MAX: variants seen among roughly 807,000 people sequenced by gnomAD.
MAX encodes the protein protein max.
In MAX, 3 loss-of-function variants were observed where a neutral mutation model predicts 22.3. That is an observed-to-expected ratio of 0.13 (90% CI 0.06 to 0.35). MAX has a LOEUF of 0.35. Among genes scored for constraint, MAX ranks in the 10% least tolerant of loss-of-function variants. The probability of loss-of-function intolerance (pLI) is 1.00; values close to 1 mark genes in which losing one functional copy is unlikely to be tolerated. For missense variants in MAX, 119 were observed against 209.4 expected (o/e 0.57, Z 2.66); for synonymous variants, 72 against 77.7 (o/e 0.93, Z 0.39).
At chr14:65,048,225 C>T (rs2062528492) in intron 3 of MAX, among the ~76,000 whole-genome samples, 2 of 151,580 alleles carry the variant, frequency 1.3e-5, no homozygotes, top group East Asian at 3.9e-4. Context: ...TCAAGTGATC[C>T]ACCTTCCTTG....
chr14:65,025,432 A>G (rs751321320), intron 3 of MAX, among the ~76,000 whole-genome samples: 20 of 152,216 alleles, frequency 1.3e-4, no homozygotes, highest in Non-Finnish European at 2.4e-4. Context: ...CTTATTAACT[A>G]TTTGTTTCTG....
chr14:65,018,785 GGA>G (rs2061827699), intron 3 of MAX, among the ~76,000 whole-genome samples: 1 of 148,454 alleles, frequency 6.7e-6, no homozygotes, highest in African/African-American at 2.5e-5. Flanking sequence ...ACTCCAGCCT[GGA>G]GGACAGAGTG....
chr14:65,043,937 T>C (rs1030622694), intron 3 of MAX, among the ~76,000 whole-genome samples: 1 of 151,550 alleles, frequency 6.6e-6, no homozygotes, highest in African/African-American at 2.4e-5. Context: ...AATGAGCTAC[T>C]GGTAGTCTTG....
rs1055671010 is a variant in MAX, at chr14:65,079,481, G to T, written c.172-1445C>A. The stretch of plus-strand genomic sequence containing the variant: ...TCTCCAGGCTACAAACATAGTCAGA[G>T]TTACTTATGGCCAGGCAGCCAGCCA... On this transcript the variant is annotated intron_variant, in intron 3 of 4. Coordinates refer to ENST00000358664, the MANE Select transcript of MAX (RefSeq NM_002382.5). This position sits in a 1 kb window ranked among gnomAD's most constrained non-coding sequence, Gnocchi z 4.5. Among the ~76,000 whole-genome samples the T allele has an allele frequency of 5.9e-5, 9 of 152,252 alleles. No individual in the cohort carries two copies. Among genetic ancestry groups the T allele is most frequent in the African/African-American group, 9.6e-5 (4 of 41,464 alleles).
intron 3 of MAX, among the ~76,000 whole-genome samples, chr14:65,049,196 T>A (rs928125042): frequency 1.3e-5 from 2 of 152,130 alleles, no homozygotes; most frequent in Admixed American, 1.3e-4. Context: ...GTTTTTTTGT[T>A]TTGTGGAGCA....
intron 3 of MAX, among the ~76,000 whole-genome samples, chr14:65,048,842 C>T (rs1437617116): frequency 6.6e-6 from 1 of 151,602 alleles, no homozygotes. Context: ...CAGAGCAAGA[C>T]TTTGTCTCAA....
intron 3 of MAX, chr14:65,053,394 A>T: frequency 1.2e-5 from 16 of 1,354,176 alleles, no homozygotes; most frequent in Non-Finnish European, 1.5e-5. Flanking sequence ...GGGAGGAGAG[A>T]GCAGAGGGGC....
intron 3 of MAX, among the ~76,000 whole-genome samples, chr14:65,058,981 T>G (rs1035490385): frequency 6.6e-6 from 1 of 152,198 alleles, no homozygotes; most frequent in Admixed American, 6.5e-5. Context: ...CATAGCCTCA[T>G]AAAATTAAAT....
At chr14:65,060,863 ACTCT>A (rs2062848035) in intron 3 of MAX, among the ~76,000 whole-genome samples, 1 of 107,414 alleles carries the variant, frequency 9.3e-6, no homozygotes. Context: ...ACAGAGCAAG[ACTCT>A]CTCAAAAAAA....
At position 65,076,551 on chromosome 14, in the gene MAX, C is replaced by T. The variant is rs764320975; in HGVS notation, c.408G>A (p.Gly136=). The change falls in exon 5 of 5, where the codon GGG becomes GGA. Residue 136 remains glycine, a synonymous_variant. Coordinates refer to ENST00000358664, the MANE Select transcript of MAX (RefSeq NM_002382.5). This position sits in a 1 kb window ranked among gnomAD's most constrained non-coding sequence, Gnocchi z 6.6. ...AKGSTISAFD[G]GSDSSSESEP... is the part of the protein sequence containing the mutation. ...CAGACTCCGAGCTGGAGTCCGAGCCCCCATCGAAGGCAGAGATGGTGCTGC... is the reference window on the plus strand; with the variant it reads ...CAGACTCCGAGCTGGAGTCCGAGCCTCCATCGAAGGCAGAGATGGTGCTGC... 5.0e-6 allele frequency: 8 copies of T among 1,614,070 alleles called. No individual in the cohort carries two copies. The highest frequency in any genetic ancestry group is 4.4e-5 in the South Asian group (4 of 91,070).
intron 3 of MAX, among the ~76,000 whole-genome samples, chr14:65,034,733 T>C (rs1366213616): frequency 1.3e-5 from 2 of 152,228 alleles, no homozygotes; most frequent in African/African-American, 4.8e-5. Flanking sequence ...GTGGTAAGTA[T>C]GGAATTATAA....
chr14:65,044,402 C>T lies in MAX; in HGVS notation c.172-38118G>A, dbSNP rs750508990. 15 of 1,612,900 alleles carry T rather than the reference C, an allele frequency of 9.3e-6. No individual in the cohort carries two copies. Among genetic ancestry groups the T allele is most frequent in the East Asian group, 4.5e-5 (2 of 44,778 alleles). On this transcript the variant is annotated intron_variant, in intron 3 of 3. Coordinates refer to the MAX transcript ENST00000341653. This position sits in a 1 kb window ranked among gnomAD's most constrained non-coding sequence, Gnocchi z 5.5. ...GATGGCTGCTACTCCTTCTGGCAGGCGGGGCTCCTGCCCCTGCTCCACCGC... is the reference window on the plus strand; with the variant it reads ...GATGGCTGCTACTCCTTCTGGCAGGTGGGGCTCCTGCCCCTGCTCCACCGC...
chr14:65,031,053 C>G lies in MAX; in HGVS notation c.172-24769G>C, dbSNP rs1249395516. On this transcript the variant is annotated intron_variant, in intron 3 of 3. Coordinates refer to the MAX transcript ENST00000341653. The surrounding 1 kb of genome is among the most constrained non-coding windows in gnomAD (Gnocchi z 4.6). ...GAACTCCTGACCTCAAATAATCCAC[C>G]TGCCTTAGCCTCCCAAAGTGCTGGG... Among the ~76,000 whole-genome samples, 1 of 152,082 alleles carries G rather than the reference C, an allele frequency of 6.6e-6. No homozygotes were observed. Among genetic ancestry groups the G allele is most frequent in the East Asian group, 1.9e-4 (1 of 5,170 alleles).
At chr14:65,096,951 G>A (rs2063692130) in intron 2 of MAX, among the ~76,000 whole-genome samples, 1 of 152,106 alleles carries the variant, frequency 6.6e-6, no homozygotes, top group Non-Finnish European at 1.5e-5. Context: ...CTAGTACGCT[G>A]GATTTGTACG....
chr14:65,073,493 C>T (rs2063010280), downstream of MAX, among the ~76,000 whole-genome samples: 3 of 152,182 alleles, frequency 2.0e-5, no homozygotes, highest in Admixed American at 6.5e-5. Context: ...CTTGGGGCAA[C>T]TGTAAAGGTA....
chr14:65,070,792 G>C (rs1451434584), downstream of MAX, among the ~76,000 whole-genome samples: 2 of 152,216 alleles, frequency 1.3e-5, no homozygotes, highest in African/African-American at 4.8e-5. This position sits in a 1 kb window ranked among gnomAD's most constrained non-coding sequence, Gnocchi z 4.4. Flanking sequence ...AACCAGCCCT[G>C]GGCAAGAAAC....
intron 3 of MAX, among the ~76,000 whole-genome samples, chr14:65,043,828 CAAAAAAAAAAAAAAAA>C (rs749243788): frequency 4.7e-5 from 3 of 64,234 alleles, no homozygotes; most frequent in Admixed American, 1.8e-4. Flanking sequence ...GACTCCGTCT[CAAAAAAAAAAAAAAAA>C]AAAAAAAAAA....
Position 65,093,912 on chromosome 14 carries a change from T to C in MAX, c.64-97A>G, listed in dbSNP as rs45526633. The C allele has an allele frequency of 1.1e-4, 85 of 788,302 alleles. No homozygotes were observed. Among genetic ancestry groups the C allele is most frequent in the Non-Finnish European group, 1.6e-4 (69 of 433,680 alleles). 48.8% of individuals were successfully genotyped at this position (788,302 alleles called of 1,614,324 possible). On this transcript the variant is annotated intron_variant, in intron 2 of 4. Coordinates refer to ENST00000358664, the MANE Select transcript of MAX (RefSeq NM_002382.5). This position sits in a 1 kb window ranked among gnomAD's most constrained non-coding sequence, Gnocchi z 4.4. ...GCCTGGAAGTACACGCTGTCAGCAC[T>C]GTCCCTGGCGAGTGGACTGGGAAGG...
At chr14:65,101,718 G>A in intron 1 of MAX, 146 bp from the exon 2 acceptor site, 1 of 631,988 alleles carries the variant, frequency 1.6e-6, no homozygotes, top group South Asian at 1.8e-5. Flanking sequence ...CCCACCCCTT[G>A]CCCCCACCCT....
Sources: gnomAD v4.1 joint callset for allele counts (sites outside exome capture counted in the v4.1 genomes callset) on GRCh38, gnomAD v4.1.1 for gene constraint, Gnocchi (gnomAD v3.1) non-coding constraint, MANE v1.5 for transcripts, NCBI Gene and HGNC (gene_info 2026-07-23, HGNC 2026-07-21) for gene names.